TRPS1: variants seen among roughly 807,000 people sequenced by gnomAD.
TRPS1 encodes the protein transcriptional repressor GATA binding 1.
A neutral mutation model predicts 101.2 loss-of-function variants in TRPS1; 6 were observed. That is an observed-to-expected ratio of 0.06 (90% CI 0.03 to 0.12). The LOEUF (loss-of-function observed/expected upper bound fraction) is 0.12. Among genes scored for constraint, TRPS1 ranks in the 10% least tolerant of loss-of-function variants. The pLI, the probability that TRPS1 is intolerant of heterozygous loss-of-function variation, is 1.00. For missense variants in TRPS1, 1,363 were observed against 1,567.0 expected (o/e 0.87, Z 2.20); for synonymous variants, 578 against 589.8 (o/e 0.98, Z 0.29).
intron 5 of TRPS1, among the ~76,000 whole-genome samples, chr8:115,554,559 C>G (rs576769741): frequency 3.4e-4 from 52 of 152,216 alleles, no homozygotes; most frequent in Non-Finnish European, 7.2e-4. Flanking sequence ...AACTGAGATG[C>G]CTCCATCAGT....
chr8:115,472,918 C>A (rs1814508190), intron 5 of TRPS1, among the ~76,000 whole-genome samples: 1 of 152,212 alleles, frequency 6.6e-6, no homozygotes, highest in African/African-American at 2.4e-5. Context: ...CATCTGAGAT[C>A]AGCTAAGCCT....
At chr8:115,518,337 C>G (rs966745073) in intron 5 of TRPS1, among the ~76,000 whole-genome samples, 4 of 151,730 alleles carry the variant, frequency 2.6e-5, no homozygotes, top group Non-Finnish European at 4.4e-5. Context: ...ACTATTCTCA[C>G]TCTAGAAAAT....
intron 1 of TRPS1, among the ~76,000 whole-genome samples, chr8:115,663,096 C>T (rs1053199003): frequency 6.6e-6 from 1 of 152,062 alleles, no homozygotes; most frequent in East Asian, 1.9e-4. Flanking sequence ...GTTACGGTAA[C>T]CTGAAATGCA....
intron 5 of TRPS1, among the ~76,000 whole-genome samples, chr8:115,485,698 C>G (rs1034087662): frequency 1.3e-5 from 2 of 151,772 alleles, no homozygotes; most frequent in African/African-American, 4.8e-5. Flanking sequence ...GAAGCTGAGG[C>G]GAAAAGGCAC....
At chr8:115,503,386 T>C (rs1815367470) in intron 5 of TRPS1, among the ~76,000 whole-genome samples, 1 of 151,844 alleles carries the variant, frequency 6.6e-6, no homozygotes, top group African/African-American at 2.4e-5. Context: ...TTACCAATAG[T>C]AAAAAGAAAA....
chr8:115,498,206 C>G (rs1815197946), intron 5 of TRPS1, among the ~76,000 whole-genome samples: 1 of 151,704 alleles, frequency 6.6e-6, no homozygotes, highest in Non-Finnish European at 1.5e-5. Flanking sequence ...ACAAAACCCC[C>G]ATCTCTACAA....
chr8:115,617,433 A>G (rs922810104), intron 3 of TRPS1, among the ~76,000 whole-genome samples: 4 of 152,170 alleles, frequency 2.6e-5, no homozygotes, highest in Admixed American at 2.0e-4. Context: ...ATAAATAACT[A>G]AGAACCTAAC....
chr8:115,570,207 C>T (rs1817167829), intron 5 of TRPS1, among the ~76,000 whole-genome samples: 1 of 151,716 alleles, frequency 6.6e-6, no homozygotes, highest in Non-Finnish European at 1.5e-5. Context: ...TGATTTTTTC[C>T]AGAGTAAGTA....
chr8:115,584,559 T>C (rs1220533816), intron 5 of TRPS1, among the ~76,000 whole-genome samples: 1 of 151,952 alleles, frequency 6.6e-6, no homozygotes, highest in African/African-American at 2.4e-5. Flanking sequence ...CTAATAACTA[T>C]GCCTCTGAAA....
intron 5 of TRPS1, among the ~76,000 whole-genome samples, chr8:115,519,973 C>A (rs953339697): frequency 1.3e-5 from 2 of 151,626 alleles, no homozygotes; most frequent in African/African-American, 4.8e-5. Context: ...AAATTTATAG[C>A]TCCCTTTTAA....
intron 5 of TRPS1, among the ~76,000 whole-genome samples, chr8:115,434,584 T>C (rs1041561971): frequency 7.9e-5 from 12 of 152,188 alleles, no homozygotes; most frequent in Admixed American, 5.2e-4. Context: ...GTTTAAATGA[T>C]TGGAATTCCT....
intron 1 of TRPS1, among the ~76,000 whole-genome samples, chr8:115,665,866 GAA>G (rs1260983417): frequency 6.6e-6 from 1 of 152,074 alleles, no homozygotes; most frequent in Non-Finnish European, 1.5e-5. Flanking sequence ...CCACTTATTT[GAA>G]AAGTGTTAGA....
At position 115,495,518 on chromosome 8, in the gene TRPS1, C is replaced by T. The variant is rs537687411; in HGVS notation, c.2701-77066G>A. Among the ~76,000 whole-genome samples the T allele has an allele frequency of 6.0e-5, 9 of 149,976 alleles. No homozygotes were observed. The South Asian group carries it at 1.7e-3, about 28-fold the overall frequency. On this transcript the variant is annotated intron_variant, in intron 5 of 6. Transcript: ENST00000395715. ...AAATTTATATCATATATAAATTAGC[C>T]ACTCACTGCATCAGAATCCTTTTTC...
intron 1 of TRPS1, among the ~76,000 whole-genome samples, chr8:115,645,185 A>G (rs927484020): frequency 6.6e-6 from 1 of 152,188 alleles, no homozygotes; most frequent in Non-Finnish European, 1.5e-5. Flanking sequence ...AGTGTAATAA[A>G]TGGAAAGTGC....
At chr8:115,486,379 T>C (rs1455716359) in intron 5 of TRPS1, among the ~76,000 whole-genome samples, 1 of 152,178 alleles carries the variant, frequency 6.6e-6, no homozygotes, top group Non-Finnish European at 1.5e-5. Context: ...TATGACAATA[T>C]TGAACTTAGG....
intron 5 of TRPS1, among the ~76,000 whole-genome samples, chr8:115,535,763 A>G (rs1474627729): frequency 1.3e-5 from 2 of 151,362 alleles, no homozygotes; most frequent in African/African-American, 4.8e-5. Flanking sequence ...GTATATGTGT[A>G]TATATATATG....
chr8:115,491,881 C>A (rs1459481708), intron 5 of TRPS1, among the ~76,000 whole-genome samples: 9 of 151,836 alleles, frequency 5.9e-5, no homozygotes, highest in Non-Finnish European at 1.3e-4. Flanking sequence ...TTGAATGAAT[C>A]CAAATACAAA....
intron 5 of TRPS1, among the ~76,000 whole-genome samples, chr8:115,554,916 A>C (rs1343528563): frequency 6.6e-6 from 1 of 152,126 alleles, no homozygotes; most frequent in East Asian, 1.9e-4. Context: ...AGGGAAGAAC[A>C]GGGTGACTGA....
intron 5 of TRPS1, among the ~76,000 whole-genome samples, chr8:115,533,436 G>GTTTTCTTTTTTTTTTTTT (rs1816187836): frequency 2.9e-5 from 1 of 34,986 alleles, no homozygotes; most frequent in Non-Finnish European, 5.3e-5. Context: ...CATGTAATCT[G>GTTTTCTTTTTTTTTTTTT]TTTTTTTTTT....
Sources: allele counts gnomAD v4.1 joint callset (sites outside exome capture counted in the v4.1 genomes callset), GRCh38; gene constraint gnomAD v4.1.1; transcripts MANE v1.5; gene names NCBI Gene and HGNC (gene_info 2026-07-23, HGNC 2026-07-21).